Variants in SORCS1 observed in about 807,000 individuals in gnomAD.
SORCS1 encodes the protein sortilin related VPS10 domain containing receptor 1.
A neutral mutation model predicts 146.1 loss-of-function variants in SORCS1; 60 were observed. That is an observed-to-expected ratio of 0.41 (90% CI 0.33 to 0.51). The LOEUF (loss-of-function observed/expected upper bound fraction) is 0.51. Ranked by LOEUF, SORCS1 falls within the 20% of genes least tolerant of loss-of-function variation. The pLI, the probability that SORCS1 is intolerant of heterozygous loss-of-function variation, is 0.21. For missense variants in SORCS1, 1,352 were observed against 1,487.6 expected (o/e 0.91, Z 1.50); for synonymous variants, 637 against 584.0 (o/e 1.09, Z -1.31).
intron 1 of SORCS1, among the ~76,000 whole-genome samples, chr10:107,048,093 CAA>C (rs1347977648): frequency 6.6e-6 from 1 of 152,116 alleles, no homozygotes; most frequent in Non-Finnish European, 1.5e-5. Context: ...CCAACAACAA[CAA>C]AAAGACTTTA....
At chr10:107,168,641 G>A (rs1261904590), upstream of SORCS1, among the ~76,000 whole-genome samples, 1 of 147,256 alleles carries the variant, frequency 6.8e-6, no homozygotes, top group Non-Finnish European at 1.5e-5. Flanking sequence ...ACTATGCTAT[G>A]GAGTTTAAAT....
intron 6 of SORCS1, among the ~76,000 whole-genome samples, chr10:106,719,156 T>C (rs1006397208): frequency 6.6e-6 from 1 of 151,742 alleles, no homozygotes; most frequent in African/African-American, 2.4e-5. Context: ...GGATAAAAAG[T>C]AGGAAGAAAA....
chr10:106,639,333 T>C (rs1848916515), intron 18 of SORCS1, among the ~76,000 whole-genome samples: 1 of 152,198 alleles, frequency 6.6e-6, no homozygotes, highest in African/African-American at 2.4e-5. Context: ...CTGAAGACTA[T>C]TTCATGAATC....
chr10:106,978,962 C>T (rs768577261), intron 1 of SORCS1, among the ~76,000 whole-genome samples: 1 of 152,114 alleles, frequency 6.6e-6, no homozygotes, highest in Non-Finnish European at 1.5e-5. Context: ...ACAAAACAGG[C>T]AATGAGCCAG....
chr10:106,721,974 T>C (rs977907488), intron 6 of SORCS1, among the ~76,000 whole-genome samples: 1 of 152,184 alleles, frequency 6.6e-6, no homozygotes, highest in African/African-American at 2.4e-5. Flanking sequence ...GAAAAGATTT[T>C]TAACTTATAT....
intron 1 of SORCS1, among the ~76,000 whole-genome samples, chr10:107,029,653 T>C (rs1324076587): frequency 6.6e-6 from 1 of 152,188 alleles, no homozygotes; most frequent in Non-Finnish European, 1.5e-5. Context: ...AATTAGGTAC[T>C]CTAGATACGG....
rs765061139 is a variant in SORCS1 at position 106,776,525 on chromosome 10, T to C, written c.885+9A>G. 6.2e-7 allele frequency: 1 copy of C among 1,613,668 alleles called. No individual in the cohort carries two copies. The highest frequency in any genetic ancestry group is 8.5e-7 in the Non-Finnish European group (1 of 1,179,686). On this transcript the variant is annotated intron_variant, in intron 4 of 25. Transcript: ENST00000263054. ...GCTTCATTGTCTCAAACAAGGTAAG[T>C]ATGCTCACCTTTTGGTCTTGACTGT... is the stretch of plus-strand genomic sequence containing the variant.
chr10:106,844,942 T>C (rs984090454), intron 2 of SORCS1, among the ~76,000 whole-genome samples: 8 of 149,392 alleles, frequency 5.4e-5, no homozygotes, highest in Non-Finnish European at 8.9e-5. Flanking sequence ...TAGTATTCCA[T>C]GGTGTATATT....
At chr10:106,807,756 A>G (rs1257347323) in intron 3 of SORCS1, among the ~76,000 whole-genome samples, 1 of 152,232 alleles carries the variant, frequency 6.6e-6, no homozygotes, top group Non-Finnish European at 1.5e-5. Context: ...CTAAGCTCCA[A>G]CTATGTTTGG....
intron 9 of SORCS1, among the ~76,000 whole-genome samples, chr10:106,698,481 T>C (rs1025691103): frequency 1.3e-5 from 2 of 152,198 alleles, no homozygotes; most frequent in African/African-American, 4.8e-5. Context: ...GAGTAACGAA[T>C]GGCTAAAATC....
At chr10:106,963,953 T>G (rs889974420) in intron 1 of SORCS1, among the ~76,000 whole-genome samples, 32 of 152,182 alleles carry the variant, frequency 2.1e-4, no homozygotes, top group Admixed American at 1.8e-3. Context: ...AGGGAAGTGT[T>G]TCTATCTTTC....
intron 5 of SORCS1, among the ~76,000 whole-genome samples, chr10:106,732,835 G>T (rs1856691274): frequency 6.6e-6 from 1 of 152,078 alleles, no homozygotes; most frequent in Non-Finnish European, 1.5e-5. Context: ...CAAAAAACAG[G>T]CAAGGCCAGG....
chr10:106,724,788 T>C (rs920629782), intron 6 of SORCS1, among the ~76,000 whole-genome samples: 2 of 152,228 alleles, frequency 1.3e-5, no homozygotes, highest in South Asian at 2.1e-4. Context: ...TGTCTCAGTA[T>C]CTTGACTACA....
chr10:106,918,489 C>G (rs1952552499), intron 2 of SORCS1, among the ~76,000 whole-genome samples: 1 of 151,994 alleles, frequency 6.6e-6, no homozygotes, highest in Admixed American at 6.6e-5. Flanking sequence ...TAGCGAATAT[C>G]CTGGTTGAAC....
chr10:107,036,540 A>C (rs1760017622), intron 1 of SORCS1, among the ~76,000 whole-genome samples: 1 of 152,230 alleles, frequency 6.6e-6, no homozygotes, highest in Admixed American at 6.5e-5. Flanking sequence ...AGTGAACTTA[A>C]GTCCTCTGCC....
intron 24 of SORCS1, among the ~76,000 whole-genome samples, chr10:106,591,600 G>A (rs889050382): frequency 6.6e-6 from 1 of 152,186 alleles, no homozygotes; most frequent in Non-Finnish European, 1.5e-5. Context: ...ATATGTGCAA[G>A]TTATCTGCTA....
intron 1 of SORCS1, among the ~76,000 whole-genome samples, chr10:107,038,396 T>TG (rs1274152233): frequency 5.9e-4 from 5 of 8,500 alleles, no homozygotes; most frequent in Non-Finnish European, 2.3e-3. Context: ...TGTCGTGGGG[T>TG]GGGTGGGGGG....
chr10:106,882,288 T>G (rs60962398), intron 2 of SORCS1, among the ~76,000 whole-genome samples: 12,765 of 151,514 alleles, frequency 0.084, 1,524 homozygotes, highest in African/African-American at 0.27. Flanking sequence ...AAAAAAAAAA[T>G]CACCAAAAAA....
chr10:106,694,242 C>T (rs1260977333), intron 9 of SORCS1, among the ~76,000 whole-genome samples: 1 of 152,076 alleles, frequency 6.6e-6, no homozygotes, highest in Admixed American at 6.6e-5. Flanking sequence ...AGACAGTAGC[C>T]TGAAATAATA....
Sources: allele counts gnomAD v4.1 joint callset (sites outside exome capture counted in the v4.1 genomes callset), GRCh38; gene constraint gnomAD v4.1.1; transcripts MANE v1.5; gene names NCBI Gene and HGNC (gene_info 2026-07-23, HGNC 2026-07-21).